The following MACROD2 variants were observed in gnomAD, a reference collection of about 807,000 sequenced individuals.
The protein encoded by MACROD2 is mono-ADP ribosylhydrolase 2.
In MACROD2, 36 loss-of-function variants were observed where a neutral mutation model predicts 70.4. That is an observed-to-expected ratio of 0.51 (90% CI 0.39 to 0.68). The LOEUF is 0.68. Among genes scored for constraint, MACROD2 ranks in the 30% least tolerant of loss-of-function variants. MACROD2 has a pLI of 0.00. For missense variants in MACROD2, 496 were observed against 538.4 expected (o/e 0.92, Z 0.78); for synonymous variants, 172 against 178.8 (o/e 0.96, Z 0.30).
At chr20:14,684,745 C>T in intron 4 of MACROD2, 98 bp from the exon 5 acceptor site, 2 of 864,136 alleles carry the variant, frequency 2.3e-6, no homozygotes, top group Non-Finnish European at 3.6e-6. Context: ...TGGTTATTTA[C>T]AGGAAGAACA....
intron 5 of MACROD2, among the ~76,000 whole-genome samples, chr20:15,218,057 G>C (rs897978653): frequency 1.3e-5 from 2 of 152,112 alleles, no homozygotes; most frequent in Non-Finnish European, 2.9e-5. Context: ...AACCTGTCTT[G>C]ATACTGAACA....
intron 7 of MACROD2, among the ~76,000 whole-genome samples, chr20:15,497,903 T>C (rs1384436136): frequency 6.6e-6 from 1 of 152,218 alleles, no homozygotes; most frequent in Non-Finnish European, 1.5e-5. Context: ...GGACAGGGAC[T>C]CATTAAAAGT....
chr20:15,189,113 T>C (rs1256528556), intron 5 of MACROD2, among the ~76,000 whole-genome samples: 1 of 152,072 alleles, frequency 6.6e-6, no homozygotes, highest in Non-Finnish European at 1.5e-5. Flanking sequence ...AGTGAAGGGA[T>C]TGAGAGCTAA....
intron 12 of MACROD2, among the ~76,000 whole-genome samples, chr20:15,947,859 T>TC (rs2065846303): frequency 6.6e-6 from 1 of 152,200 alleles, no homozygotes; most frequent in African/African-American, 2.4e-5. Flanking sequence ...TGGAATTTTT[T>TC]CCACAAGAAT....
intron 2 of MACROD2, among the ~76,000 whole-genome samples, chr20:14,024,696 C>T (rs552554795): frequency 1.3e-5 from 2 of 152,290 alleles, no homozygotes; most frequent in East Asian, 3.9e-4. Context: ...ATATGTTGAA[C>T]CAGCCTTGCA....
intron 5 of MACROD2, among the ~76,000 whole-genome samples, chr20:14,718,699 C>G (rs1265761843): frequency 6.6e-6 from 1 of 152,082 alleles, no homozygotes; most frequent in Non-Finnish European, 1.5e-5. Context: ...CCTTGATGCT[C>G]AAGTTCCTGA....
intron 13 of MACROD2, among the ~76,000 whole-genome samples, chr20:15,971,874 G>A (rs904237295): frequency 3.3e-5 from 5 of 152,122 alleles, no homozygotes; most frequent in Non-Finnish European, 5.9e-5. Flanking sequence ...TGATGCACAG[G>A]AAAAGAAAAG....
rs1180071947 is a variant in MACROD2, at chr20:14,832,034, GTTTTTTTTT to G, written c.418+147093_418+147101del. ...GCACCTCGACTTCATGCCTTTGCGA[GTTTTTTTTT>G]TTTTTTTTTTTTTTTTTGAGAGGGA... On this transcript the variant is annotated intron_variant, in intron 5 of 17. Transcript: ENST00000684519. 1.5e-3 allele frequency among the ~76,000 whole-genome samples: 93 copies of G among 63,678 alleles called. 2 individuals are homozygous for G. Among genetic ancestry groups the G allele is most frequent in the Non-Finnish European group, 2.1e-3 (73 of 35,306 alleles). The allele number at this position is 63,678 out of a possible 152,430, so 41.8% of individuals were successfully genotyped here.
At chr20:15,832,698 C>T (rs13433370) in intron 8 of MACROD2, among the ~76,000 whole-genome samples, 1 of 152,158 alleles carries the variant, frequency 6.6e-6, no homozygotes, top group Non-Finnish European at 1.5e-5. Context: ...CACACAAAGC[C>T]GAACAGGGCA....
chr20:14,933,047 T>A (rs1341804594), intron 5 of MACROD2, among the ~76,000 whole-genome samples: 2 of 152,122 alleles, frequency 1.3e-5, no homozygotes, highest in Admixed American at 1.3e-4. Context: ...GAAAGAATAG[T>A]CTTCAGAGAA....
At chr20:14,171,129 A>G (rs953837460) in intron 3 of MACROD2, among the ~76,000 whole-genome samples, 3 of 152,168 alleles carry the variant, frequency 2.0e-5, no homozygotes, top group Non-Finnish European at 4.4e-5. Context: ...GTTTATGCAC[A>G]TAAAGGTGTT....
Position 14,232,726 on chromosome 20 carries a change from A to G in MACROD2, c.271+146998A>G, listed in dbSNP as rs140163592. On this transcript the variant is annotated intron_variant, in intron 3 of 17. Coordinates refer to ENST00000684519, the MANE Select transcript of MACROD2 (RefSeq NM_001351661.2). ...AGATTGCTCAAATTTTCTCCACATC[A>G]GCAATAGGGCTGTTGCACTTTCTTA... 3.1e-3 allele frequency among the ~76,000 whole-genome samples: 465 copies of G among 152,346 alleles called. 4 individuals carry two copies. Among genetic ancestry groups the G allele is most frequent in the African/African-American group, 0.011 (447 of 41,580 alleles).
At chr20:15,262,722 CTT>C (rs780868576) in intron 6 of MACROD2, among the ~76,000 whole-genome samples, 2 of 151,966 alleles carry the variant, frequency 1.3e-5, no homozygotes, top group African/African-American at 2.4e-5. Context: ...TATTGCCTGA[CTT>C]TTAGATAAAA....
At chr20:14,538,113 A>G (rs902156383) in intron 4 of MACROD2, among the ~76,000 whole-genome samples, 2 of 152,214 alleles carry the variant, frequency 1.3e-5, no homozygotes, top group Non-Finnish European at 2.9e-5. Flanking sequence ...GGGATACTAT[A>G]ATATAATGAT....
intron 2 of MACROD2, among the ~76,000 whole-genome samples, chr20:14,072,856 C>T (rs886130052): frequency 6.6e-6 from 1 of 151,534 alleles, no homozygotes; most frequent in Non-Finnish European, 1.5e-5. Flanking sequence ...ATGGCGTGCA[C>T]CCAGGAGGCA....
At chr20:15,623,024 G>C (rs2072241274) in intron 8 of MACROD2, among the ~76,000 whole-genome samples, 1 of 152,076 alleles carries the variant, frequency 6.6e-6, no homozygotes, top group South Asian at 2.1e-4. Context: ...GTTAATTCTG[G>C]AAAAATATTA....
chr20:14,000,545 A>T (rs370683247), intron 1 of MACROD2, among the ~76,000 whole-genome samples: 28 of 152,336 alleles, frequency 1.8e-4, no homozygotes, highest in African/African-American at 6.0e-4. Flanking sequence ...TGATACACTG[A>T]AAGAGAATTG....
chr20:14,078,970 G>A (rs1416764290), intron 2 of MACROD2, among the ~76,000 whole-genome samples: 1 of 151,860 alleles, frequency 6.6e-6, no homozygotes, highest in African/African-American at 2.4e-5. Flanking sequence ...CATATGTTCT[G>A]GTATATACTG....
At chr20:15,801,136 T>C (rs1416840196) in intron 8 of MACROD2, among the ~76,000 whole-genome samples, 2 of 147,478 alleles carry the variant, frequency 1.4e-5, no homozygotes, top group East Asian at 2.0e-4. Context: ...ACTATTGTCC[T>C]GTGACCCTGC....
Sources: allele counts gnomAD v4.1 joint callset (sites outside exome capture counted in the v4.1 genomes callset), GRCh38; gene constraint gnomAD v4.1.1; transcripts MANE v1.5; gene names NCBI Gene and HGNC (gene_info 2026-07-23, HGNC 2026-07-21).